The following ADGRB3 variants were observed in gnomAD, a reference collection of about 807,000 sequenced individuals.
ADGRB3 encodes the protein brain-specific angiogenesis inhibitor 3.
In ADGRB3, 37 loss-of-function variants were observed where a neutral mutation model predicts 193.4. That is an observed-to-expected ratio of 0.19 (90% CI 0.15 to 0.25). The LOEUF (loss-of-function observed/expected upper bound fraction) is 0.25, where lower values mean the gene tolerates loss of function less well. ADGRB3 is among the 10% of genes least tolerant of loss of function. The probability of loss-of-function intolerance (pLI) is 1.00; values close to 1 mark genes in which losing one functional copy is unlikely to be tolerated. For synonymous variants in ADGRB3, 690 were observed against 644.2 expected (o/e 1.07, Z -1.08); for missense variants, 1,637 against 1,852.9 (o/e 0.88, Z 2.14).
At chr6:68,891,758 T>C (rs1465844813) in intron 3 of ADGRB3, among the ~76,000 whole-genome samples, 1 of 152,104 alleles carries the variant, frequency 6.6e-6, no homozygotes, top group Admixed American at 6.6e-5. Flanking sequence ...AAGCTGTGTC[T>C]GGAGTGGAGG....
intron 20 of ADGRB3, among the ~76,000 whole-genome samples, chr6:69,288,950 T>A (rs2127291349): frequency 1.3e-5 from 2 of 152,308 alleles, no homozygotes; most frequent in Middle Eastern, 6.8e-3. Context: ...TGACATTCCA[T>A]TTGTGTGTAC....
chr6:69,283,728 G>A (rs1767489139), intron 20 of ADGRB3, among the ~76,000 whole-genome samples: 1 of 152,004 alleles, frequency 6.6e-6, no homozygotes, highest in Non-Finnish European at 1.5e-5. Context: ...ATTCTTTTCA[G>A]TAAACCAATG....
chr6:68,942,349 G>A (rs925621605), intron 5 of ADGRB3, among the ~76,000 whole-genome samples: 1 of 152,002 alleles, frequency 6.6e-6, no homozygotes, highest in Non-Finnish European at 1.5e-5. Flanking sequence ...AACTTTTTGG[G>A]GAGTCATTTT....
chr6:68,912,571 A>G (rs921316847), intron 3 of ADGRB3, among the ~76,000 whole-genome samples: 7 of 151,712 alleles, frequency 4.6e-5, no homozygotes, highest in Admixed American at 3.9e-4. Context: ...TCCTGTGTCC[A>G]TGTGTTCCCA....
chr6:69,119,012 A>G (rs1773611684), intron 17 of ADGRB3, among the ~76,000 whole-genome samples: 1 of 152,212 alleles, frequency 6.6e-6, no homozygotes, highest in African/African-American at 2.4e-5. Flanking sequence ...AAAAAGAATT[A>G]GAGCTGCTGT....
intron 3 of ADGRB3, among the ~76,000 whole-genome samples, chr6:68,709,031 T>A (rs118029524): frequency 0.022 from 3,394 of 152,290 alleles, 64 homozygotes; most frequent in South Asian, 0.074. Context: ...TTGTTTAAAA[T>A]GCGGGTTGTT....
intron 15 of ADGRB3, among the ~76,000 whole-genome samples, chr6:69,060,477 T>C (rs527253412): frequency 7.9e-5 from 12 of 152,142 alleles, no homozygotes; most frequent in Non-Finnish European, 1.5e-4. Context: ...CTTGACAAAA[T>C]TGCAATCTTC....
At chr6:68,932,010 G>A (rs1333106053) in intron 4 of ADGRB3, among the ~76,000 whole-genome samples, 1 of 151,920 alleles carries the variant, frequency 6.6e-6, no homozygotes, top group Non-Finnish European at 1.5e-5. Flanking sequence ...TCAGGTTTAG[G>A]CAAATTTCCA....
intron 13 of ADGRB3, among the ~76,000 whole-genome samples, chr6:69,023,490 A>T (rs1297087567): frequency 6.6e-6 from 1 of 152,134 alleles, no homozygotes; most frequent in Admixed American, 6.5e-5. Context: ...TTTAGCAAAG[A>T]TGATATAGAG....
intron 3 of ADGRB3, among the ~76,000 whole-genome samples, chr6:68,783,578 G>A (rs1178217760): frequency 4.6e-5 from 7 of 151,644 alleles, no homozygotes; most frequent in East Asian, 1.9e-4. Context: ...CTTGGGAAGC[G>A]TGGCTATCTA....
chr6:69,336,195 T>C (rs542552595), intron 24 of ADGRB3, among the ~76,000 whole-genome samples: 2 of 152,150 alleles, frequency 1.3e-5, no homozygotes, highest in South Asian at 2.1e-4. Flanking sequence ...AAGGAATTTA[T>C]TGTAAATACA....
chr6:69,064,819 A>T (rs1771853674), intron 16 of ADGRB3, among the ~76,000 whole-genome samples: 1 of 152,124 alleles, frequency 6.6e-6, no homozygotes, highest in South Asian at 2.1e-4. Flanking sequence ...TTAATAAATT[A>T]AAAAAGAGTA....
chr6:68,954,628 C>T (rs1183501505), intron 6 of ADGRB3, among the ~76,000 whole-genome samples: 1 of 152,042 alleles, frequency 6.6e-6, no homozygotes, highest in Non-Finnish European at 1.5e-5. Context: ...CTCAATCCTA[C>T]ACTAGATCTG....
At chr6:69,024,872 C>T (rs990592704) in intron 13 of ADGRB3, among the ~76,000 whole-genome samples, 4 of 152,096 alleles carry the variant, frequency 2.6e-5, no homozygotes, top group Admixed American at 6.6e-5. Flanking sequence ...GCAGGCGGAT[C>T]ATGAGGTCAG....
intron 23 of ADGRB3, 116 bp from the exon 24 acceptor site, chr6:69,332,807 A>G (rs1005288738): frequency 4.1e-6 from 6 of 1,472,338 alleles, no homozygotes; most frequent in Non-Finnish European, 4.5e-6. Context: ...AGAGTGCTTC[A>G]TACCACTACT....
chr6:68,751,687 A>G (rs1766201447), intron 3 of ADGRB3, among the ~76,000 whole-genome samples: 1 of 152,200 alleles, frequency 6.6e-6, no homozygotes, highest in Non-Finnish European at 1.5e-5. Context: ...AAATCCGTAT[A>G]CTATCCTCAC....
chr6:69,044,812 G>A (rs1019209058), intron 13 of ADGRB3, among the ~76,000 whole-genome samples: 8 of 152,162 alleles, frequency 5.3e-5, no homozygotes, highest in African/African-American at 1.4e-4. Flanking sequence ...CAAGATGTGC[G>A]TATTTGTTCA....
intron 17 of ADGRB3, among the ~76,000 whole-genome samples, chr6:69,138,132 C>T (rs1774209450): frequency 6.6e-6 from 1 of 152,174 alleles, no homozygotes; most frequent in African/African-American, 2.4e-5. Context: ...CAAAACTATT[C>T]TTAACTTCAA....
At chr6:69,076,428 T>C (rs557346984) in intron 17 of ADGRB3, among the ~76,000 whole-genome samples, 1 of 152,252 alleles carries the variant, frequency 6.6e-6, no homozygotes, top group South Asian at 2.1e-4. Context: ...ATTACTCACA[T>C]GACCTTGAAT....
Sources: gnomAD v4.1 joint callset for allele counts (sites outside exome capture counted in the v4.1 genomes callset) on GRCh38, gnomAD v4.1.1 for gene constraint, MANE v1.5 for transcripts, NCBI Gene and HGNC (gene_info 2026-07-23, HGNC 2026-07-21) for gene names.